Variants in IL1RAPL1 observed in about 807,000 individuals in gnomAD.
The protein encoded by IL1RAPL1 is interleukin 1 receptor accessory protein like 1, also known as interleukin-1 receptor accessory protein-like 1.
Under a neutral mutation model 48.4 loss-of-function variants are expected in IL1RAPL1, and 3 were observed. The ratio of observed to expected loss-of-function variants is 0.06; its 90% CI spans 0.03 to 0.16. The LOEUF (loss-of-function observed/expected upper bound fraction) is 0.16, where lower values mean the gene tolerates loss of function less well. IL1RAPL1 is among the 10% of genes least tolerant of loss of function. The pLI is 1.00. For synonymous variants in IL1RAPL1, 185 were observed against 187.7 expected, an observed-to-expected ratio of 0.99 and a Z score of 0.12; for missense variants, 349 against 530.6, an observed-to-expected ratio of 0.66 and a Z score of 3.36.
intron 1 of IL1RAPL1, among the ~76,000 whole-genome samples, chrX:28,649,170 G>A (rs1324854885): frequency 9.0e-6 from 1 of 111,710 alleles, no homozygotes; most frequent in Admixed American, 9.5e-5. Flanking sequence ...TTTTCTGTTT[G>A]TCTCCCTAAT....
At position 29,804,839 on chromosome X, in the gene IL1RAPL1, C is replaced by G. The variant is rs139378366; in HGVS notation, c.779-112625C>G. Among the ~76,000 whole-genome samples the G allele has an allele frequency of 2.8e-3, 311 of 112,123 alleles. 1 individual carries two copies. The highest frequency in any genetic ancestry group is 9.5e-3 in the African/African-American group (293 of 30,897). Reference sequence around the variant, plus strand: ...TAGAGAAAAGGAAGCTCAAGCTCAACATGAACTGGATTCATCAGTGGTGGT... The same window carrying G: ...TAGAGAAAAGGAAGCTCAAGCTCAAGATGAACTGGATTCATCAGTGGTGGT... On this transcript the variant is annotated intron_variant, in intron 6 of 10. Transcript: ENST00000378993.
Position 29,165,290 on chromosome X carries a change from A to T in IL1RAPL1, c.83-117648A>T, listed in dbSNP as rs957251465. Among the ~76,000 whole-genome samples, 7 of 111,831 alleles carry T rather than the reference A, an allele frequency of 6.3e-5. No homozygotes were observed. In the South Asian group the frequency reaches 2.6e-3, roughly 42 times the overall value. On this transcript the variant is annotated intron_variant, in intron 2 of 10. Transcript: ENST00000378993. ...GCGGAGATCGCGCCATTACACTCCA[A>T]CCTGGGCAGCAAGAGCAAAACTTCA...
intron 3 of IL1RAPL1, among the ~76,000 whole-genome samples, chrX:29,372,470 T>C (rs184094932): frequency 6.4e-4 from 72 of 111,916 alleles, no homozygotes; most frequent in Middle Eastern, 4.6e-3. Flanking sequence ...TTCAAGACTT[T>C]GCCAGAAATT....
chrX:29,815,897 T>G (rs1302475148), intron 6 of IL1RAPL1, among the ~76,000 whole-genome samples: 1 of 111,502 alleles, frequency 9.0e-6, no homozygotes, highest in Non-Finnish European at 1.9e-5. Context: ...CAAATTGCAT[T>G]GATTGATTTG....
intron 6 of IL1RAPL1, among the ~76,000 whole-genome samples, chrX:29,673,497 A>G (rs914846510): frequency 5.4e-5 from 6 of 111,433 alleles, no homozygotes; most frequent in Non-Finnish European, 1.1e-4. Context: ...TATAAAGGAC[A>G]TATTTTCACC....
intron 3 of IL1RAPL1, among the ~76,000 whole-genome samples, chrX:29,331,569 T>C (rs1427733839): frequency 8.9e-6 from 1 of 111,968 alleles, no homozygotes; most frequent in Non-Finnish European, 1.9e-5. Context: ...ACCAAGGAGT[T>C]CAAGAGTAAG....
intron 1 of IL1RAPL1, among the ~76,000 whole-genome samples, chrX:28,638,746 A>G (rs1934496788): frequency 9.1e-6 from 1 of 110,425 alleles, no homozygotes; most frequent in Non-Finnish European, 1.9e-5. Flanking sequence ...AAGTACCTTA[A>G]TATTTCATTG....
At chrX:29,881,753 G>A (rs1232401036) in intron 6 of IL1RAPL1, among the ~76,000 whole-genome samples, 1 of 111,051 alleles carries the variant, frequency 9.0e-6, no homozygotes, top group Non-Finnish European at 1.9e-5. Flanking sequence ...GAAATCTCTG[G>A]TTCATATTAT....
chrX:28,972,149 G>T (rs1221692386), intron 2 of IL1RAPL1, among the ~76,000 whole-genome samples: 1 of 110,584 alleles, frequency 9.0e-6, no homozygotes, highest in African/African-American at 3.3e-5. Flanking sequence ...TTATTTTCCC[G>T]TGTTCATCAC....
intron 5 of IL1RAPL1, among the ~76,000 whole-genome samples, chrX:29,518,003 G>A (rs965783657): frequency 2.7e-5 from 3 of 111,644 alleles, no homozygotes; most frequent in Non-Finnish European, 5.6e-5. Context: ...TTGGTTAAAC[G>A]CTCAATATAG....
intron 2 of IL1RAPL1, among the ~76,000 whole-genome samples, chrX:28,896,980 A>G (rs749793591): frequency 9.0e-6 from 1 of 111,093 alleles, no homozygotes; most frequent in African/African-American, 3.3e-5. Flanking sequence ...ATTGGGGTCA[A>G]GCGGCATTGT....
intron 2 of IL1RAPL1, among the ~76,000 whole-genome samples, chrX:28,935,891 C>T (rs1434356879): frequency 7.2e-5 from 8 of 111,417 alleles, no homozygotes; most frequent in African/African-American, 2.6e-4. Flanking sequence ...TTCAGCAGAG[C>T]CAAAGATGAA....
At chrX:28,701,265 A>G (rs758120464) in intron 1 of IL1RAPL1, among the ~76,000 whole-genome samples, 1 of 111,924 alleles carries the variant, frequency 8.9e-6, no homozygotes, top group Admixed American at 9.5e-5. Context: ...TTTGGACCTT[A>G]TTTCCAATAA....
intron 5 of IL1RAPL1, among the ~76,000 whole-genome samples, chrX:29,569,585 G>A (rs2147797386): frequency 9.1e-6 from 1 of 109,778 alleles, no homozygotes; most frequent in Non-Finnish European, 1.9e-5. Flanking sequence ...GGAATAATCT[G>A]GGATGATTAA....
At chrX:29,718,756 CAGTT>C (rs1234199060) in intron 6 of IL1RAPL1, among the ~76,000 whole-genome samples, 15 of 110,653 alleles carry the variant, frequency 1.4e-4, no homozygotes, top group Non-Finnish European at 5.7e-5. Context: ...CCATTGCCAT[CAGTT>C]AGTTATTTGG....
chrX:29,674,287 G>A (rs1926216149), intron 6 of IL1RAPL1, among the ~76,000 whole-genome samples: 1 of 111,308 alleles, frequency 9.0e-6, no homozygotes, highest in Non-Finnish European at 1.9e-5. Flanking sequence ...TTAGCTTGGT[G>A]TGTTGGCATG....
At chrX:29,908,397 AG>A (rs1932687739) in intron 6 of IL1RAPL1, among the ~76,000 whole-genome samples, 1 of 105,110 alleles carries the variant, frequency 9.5e-6, no homozygotes, top group African/African-American at 3.6e-5. Flanking sequence ...TATATATATA[AG>A]CAAACTTTTT....
chrX:29,709,103 T>C (rs1927273078), intron 6 of IL1RAPL1, among the ~76,000 whole-genome samples: 1 of 112,055 alleles, frequency 8.9e-6, no homozygotes, highest in Admixed American at 9.5e-5. Flanking sequence ...GAGTTCCTTA[T>C]ATATTTGGGA....
intron 6 of IL1RAPL1, among the ~76,000 whole-genome samples, chrX:29,861,703 A>AAAAT (rs2147204095): frequency 8.9e-6 from 1 of 111,808 alleles, no homozygotes; most frequent in East Asian, 2.8e-4. Flanking sequence ...ATGGAAATAA[A>AAAAT]AAATAAAATA....
Sources: allele counts gnomAD v4.1 joint callset (sites outside exome capture counted in the v4.1 genomes callset), GRCh38; gene constraint gnomAD v4.1.1; transcripts MANE v1.5; gene names NCBI Gene and HGNC (gene_info 2026-07-23, HGNC 2026-07-21).